Variants in PRKAG2 observed in about 807,000 individuals in gnomAD.
PRKAG2 encodes the protein protein kinase AMP-activated non-catalytic subunit gamma 2, also known as 5'-AMP-activated protein kinase subunit gamma-2.
PRKAG2 carries 26 observed loss-of-function variants against 69.6 expected under a neutral mutation model. That is an observed-to-expected ratio of 0.37 (90% CI 0.27 to 0.52). PRKAG2 has a LOEUF of 0.52. PRKAG2 is among the 20% of genes least tolerant of loss of function. The pLI is 0.90. For missense variants in PRKAG2, 557 were observed against 740.0 expected (o/e 0.75, Z 2.87); for synonymous variants, 293 against 285.0 (o/e 1.03, Z -0.28).
At chr7:151,557,341 G>A (rs1336827516) in intron 15 of PRKAG2, 109 bp from the exon 16 acceptor site, 2 of 1,609,466 alleles carry the variant, frequency 1.2e-6, no homozygotes, top group Non-Finnish European at 1.7e-6. Flanking sequence ...ATGATCCAGA[G>A]GCTTCGGAGG....
intron 7 of PRKAG2, 147 bp from the exon 8 acceptor site, chr7:151,575,096 C>A: frequency 8.1e-7 from 1 of 1,240,658 alleles, no homozygotes; most frequent in Admixed American, 2.8e-5. Context: ...TTATTTAAAA[C>A]TATTGATGTG....
chr7:151,566,863 A>C (rs1806377860), intron 11 of PRKAG2, among the ~76,000 whole-genome samples: 1 of 152,204 alleles, frequency 6.6e-6, no homozygotes, highest in Non-Finnish European at 1.5e-5. Context: ...TTCAGTAAAA[A>C]TCAGGCTCTG....
intron 4 of PRKAG2, among the ~76,000 whole-genome samples, chr7:151,666,842 T>A (rs1350220808): frequency 6.6e-6 from 1 of 152,204 alleles, no homozygotes; most frequent in African/African-American, 2.4e-5. Flanking sequence ...GGACAGCCCT[T>A]ATTTTCTCCT....
At chr7:151,611,048 C>T (rs1014971562) in intron 5 of PRKAG2, among the ~76,000 whole-genome samples, 1 of 152,148 alleles carries the variant, frequency 6.6e-6, no homozygotes, top group South Asian at 2.1e-4. Context: ...AGCCACCACA[C>T]CCAGCCAATA....
chr7:151,781,769 C>T lies in PRKAG2; in HGVS notation c.187-338G>A, dbSNP rs112931845. 1.7e-3 allele frequency among the ~76,000 whole-genome samples: 256 copies of T among 152,292 alleles called. No homozygotes were observed. Among genetic ancestry groups the T allele is most frequent in the African/African-American group, 5.0e-3 (208 of 41,556 alleles). ...CCCTCCTTTATTATGGGCCTGCCTG[C>T]CTTCACCTCTCAAGACCTCACGTCC... On this transcript the variant is annotated intron_variant, in intron 2 of 15. Coordinates refer to ENST00000287878, the MANE Select transcript of PRKAG2 (RefSeq NM_016203.4). This position sits in a 1 kb window ranked among gnomAD's most constrained non-coding sequence, Gnocchi z 6.1.
At chr7:151,569,562 A>T (rs116828423) in intron 10 of PRKAG2, among the ~76,000 whole-genome samples, 1,814 of 152,326 alleles carry the variant, frequency 0.012, 24 homozygotes, top group African/African-American at 0.042. Flanking sequence ...CTCTCCTGGG[A>T]CTGCCAGTAA....
At chr7:151,763,746 G>A (rs542530316) in intron 3 of PRKAG2, among the ~76,000 whole-genome samples, 65 of 152,286 alleles carry the variant, frequency 4.3e-4, no homozygotes, top group African/African-American at 1.4e-3. Flanking sequence ...CCTCCCTCGT[G>A]TGCCAGCCAT....
At position 151,699,373 on chromosome 7, in the gene PRKAG2, C is replaced by T. The variant is rs1034560857; in HGVS notation, c.467-23736G>A. ...GCCGGATGCCTGTGTGGTTACGATCCGGTTACATCTCAGCCCCCTGCTGAG... is the reference window on the plus strand; with the variant it reads ...GCCGGATGCCTGTGTGGTTACGATCTGGTTACATCTCAGCCCCCTGCTGAG... On this transcript the variant is annotated intron_variant, in intron 3 of 15. Coordinates refer to ENST00000287878, the MANE Select transcript of PRKAG2 (RefSeq NM_016203.4). This position sits in a 1 kb window ranked among gnomAD's most constrained non-coding sequence, Gnocchi z 4.5. 1.3e-5 allele frequency among the ~76,000 whole-genome samples: 2 copies of T among 152,144 alleles called. No individual in the cohort carries two copies. The highest frequency in any genetic ancestry group is 4.8e-5 in the African/African-American group (2 of 41,414).
intron 4 of PRKAG2, among the ~76,000 whole-genome samples, chr7:151,670,267 C>A (rs1463307724): frequency 6.6e-6 from 1 of 152,192 alleles, no homozygotes; most frequent in Non-Finnish European, 1.5e-5. Flanking sequence ...TTTTCCATGG[C>A]AAAACCTTTG....
intron 3 of PRKAG2, among the ~76,000 whole-genome samples, chr7:151,693,388 G>C (rs1393186585): frequency 6.6e-6 from 1 of 152,152 alleles, no homozygotes; most frequent in Non-Finnish European, 1.5e-5. Flanking sequence ...CCAGAGAGGA[G>C]TTTGCAGGCC....
chr7:151,825,276 C>T (rs991436163), intron 1 of PRKAG2, among the ~76,000 whole-genome samples: 4 of 152,118 alleles, frequency 2.6e-5, no homozygotes, highest in South Asian at 2.1e-4. Flanking sequence ...GAATCAAATT[C>T]GAATTAAAGG....
At chr7:151,686,602 C>T (rs764300336) in intron 3 of PRKAG2, among the ~76,000 whole-genome samples, 3 of 152,200 alleles carry the variant, frequency 2.0e-5, no homozygotes, top group Non-Finnish European at 4.4e-5. Context: ...GCTTTGAGAC[C>T]TTGCTCTGAA....
At chr7:151,790,195 C>A (rs1047690771) in intron 1 of PRKAG2, among the ~76,000 whole-genome samples, 1 of 152,166 alleles carries the variant, frequency 6.6e-6, no homozygotes, top group Non-Finnish European at 1.5e-5. Context: ...ACCAAACACC[C>A]CAAGCCCTTT....
chr7:151,639,387 A>T lies in PRKAG2; in HGVS notation c.685-7249T>A, dbSNP rs560017004. Among the ~76,000 whole-genome samples the T allele has an allele frequency of 2.6e-5, 4 of 152,252 alleles. No individual in the cohort carries two copies. The South Asian group carries it at 8.3e-4, about 32-fold the overall frequency. On this transcript the variant is annotated intron_variant, in intron 4 of 15. Transcript: ENST00000287878. Reference sequence around the variant, plus strand: ...GCCTATGATGGTTAAATTTGAATCCAGTCATCTTGACTGGATTAAGGAACA... The same window carrying T: ...GCCTATGATGGTTAAATTTGAATCCTGTCATCTTGACTGGATTAAGGAACA...
intron 1 of PRKAG2, among the ~76,000 whole-genome samples, chr7:151,795,055 C>A (rs941856487): frequency 1.3e-5 from 2 of 152,216 alleles, no homozygotes; most frequent in African/African-American, 4.8e-5. Context: ...TAGTTCAGGG[C>A]CCCAGGGCAG....
chr7:151,827,816 G>C (rs138177624), intron 1 of PRKAG2, among the ~76,000 whole-genome samples: 1 of 136,576 alleles, frequency 7.3e-6, no homozygotes. Context: ...TCCAATGCCA[G>C]AGCCTACGTG....
intron 1 of PRKAG2, among the ~76,000 whole-genome samples, chr7:151,853,905 G>C (rs187296636): frequency 6.6e-6 from 1 of 151,910 alleles, no homozygotes; most frequent in Admixed American, 6.6e-5. Context: ...ACCCCAAACC[G>C]AGGCTCCTCC....
chr7:151,599,510 A>G (rs905628492), intron 5 of PRKAG2, among the ~76,000 whole-genome samples: 4 of 152,204 alleles, frequency 2.6e-5, no homozygotes, highest in Non-Finnish European at 5.9e-5. Flanking sequence ...GAAGTCACCT[A>G]GAACAGCAGT....
chr7:151,589,927 C>T (rs1465455914), intron 6 of PRKAG2, among the ~76,000 whole-genome samples: 1 of 151,824 alleles, frequency 6.6e-6, no homozygotes, highest in Non-Finnish European at 1.5e-5. Context: ...AGAATGAGAC[C>T]CTGTCTTTAA....
Sources: gnomAD v4.1 joint callset for allele counts (sites outside exome capture counted in the v4.1 genomes callset) on GRCh38, gnomAD v4.1.1 for gene constraint, Gnocchi (gnomAD v3.1) non-coding constraint, MANE v1.5 for transcripts, NCBI Gene and HGNC (gene_info 2026-07-23, HGNC 2026-07-21) for gene names.